The following MYO6 variants were observed in gnomAD, a reference collection of about 807,000 sequenced individuals.
MYO6 encodes unconventional myosin-VI.
MYO6 carries 74 observed loss-of-function variants against 178.7 expected under a neutral mutation model. The observed-to-expected ratio is 0.41, with a 90% CI of 0.34 to 0.50. The LOEUF is 0.50. MYO6 is among the 20% of genes least tolerant of loss of function. The pLI is 0.09. For synonymous variants in MYO6, 477 were observed against 504.6 expected (o/e 0.95, Z 0.73); for missense variants, 1,330 against 1,547.4 (o/e 0.86, Z 2.36).
chr6:75,903,293 G>A (rs146671749), intron 30 of MYO6, among the ~76,000 whole-genome samples: 3,023 of 152,122 alleles, frequency 0.02, 99 homozygotes, highest in African/African-American at 0.068. Flanking sequence ...TTGACTTTCC[G>A]TCTCGTTGAT....
intron 9 of MYO6, among the ~76,000 whole-genome samples, chr6:75,842,202 G>GCACACACACA (rs375234110): frequency 2.7e-5 from 4 of 148,892 alleles, no homozygotes; most frequent in Admixed American, 1.3e-4. Context: ...ACACACACAT[G>GCACACACACA]CACACACACA....
chr6:75,785,422 T>A (rs967003382), intron 1 of MYO6, among the ~76,000 whole-genome samples: 1 of 151,954 alleles, frequency 6.6e-6, no homozygotes, highest in African/African-American at 2.4e-5. Flanking sequence ...TGATTAATGT[T>A]GTTTTGGATC....
At chr6:75,750,175 A>G (rs1378537128) in intron 1 of MYO6, among the ~76,000 whole-genome samples, 1 of 141,748 alleles carries the variant, frequency 7.1e-6, no homozygotes, top group Non-Finnish European at 1.5e-5. Context: ...CTCTCACTGC[A>G]CCCTCCCCCT....
intron 25 of MYO6, among the ~76,000 whole-genome samples, chr6:75,889,442 C>T (rs1322258471): frequency 6.6e-6 from 1 of 152,198 alleles, no homozygotes; most frequent in East Asian, 1.9e-4. Flanking sequence ...GAGGCTTGCT[C>T]TGTTGCCCAG....
intron 1 of MYO6, among the ~76,000 whole-genome samples, chr6:75,784,291 C>A (rs756145983): frequency 6.6e-5 from 10 of 151,340 alleles, no homozygotes; most frequent in African/African-American, 2.4e-4. Flanking sequence ...ATATGAGTAG[C>A]CAGAGAGATC....
In MYO6 at chr6:75,879,809, C is replaced by G. The variant is rs768551729; in HGVS notation, c.2078-11C>G. The G allele has an allele frequency of 6.2e-7, 1 of 1,614,034 alleles. No individual in the cohort carries two copies. The highest frequency in any genetic ancestry group is 8.5e-7 in the Non-Finnish European group (1 of 1,179,986). ...TGATTGACAGTGCTTTGTGCTTGTTCGTGAATCTAGGGATGGTGTCTGTTT... is the reference window on the plus strand; with the variant it reads ...TGATTGACAGTGCTTTGTGCTTGTTGGTGAATCTAGGGATGGTGTCTGTTT... On this transcript the variant is annotated splice_polypyrimidine_tract_variant and intron_variant, in intron 20 of 34. Coordinates refer to ENST00000369977, the MANE Select transcript of MYO6 (RefSeq NM_004999.4).
At chr6:75,764,035 C>A (rs1000272584) in intron 1 of MYO6, among the ~76,000 whole-genome samples, 1 of 152,044 alleles carries the variant, frequency 6.6e-6, no homozygotes, top group Non-Finnish European at 1.5e-5. Context: ...TCTTTTCCAA[C>A]CTCTTCATCT....
chr6:75,749,904 G>A (rs968493976), intron 1 of MYO6, among the ~76,000 whole-genome samples: 3 of 152,134 alleles, frequency 2.0e-5, no homozygotes, highest in African/African-American at 7.2e-5. Flanking sequence ...AGGTGGTCCA[G>A]TACCTTGAGT....
intron 22 of MYO6, 130 bp downstream of exon 22, chr6:75,880,250 A>G (rs1777904651): frequency 1.4e-6 from 1 of 724,202 alleles, no homozygotes; most frequent in Non-Finnish European, 2.3e-6. Flanking sequence ...ATGAATTGCT[A>G]TTTTCCATAC....
At chr6:75,838,161 C>T (rs915539981) in intron 7 of MYO6, among the ~76,000 whole-genome samples, 2 of 151,338 alleles carry the variant, frequency 1.3e-5, no homozygotes, top group Non-Finnish European at 1.5e-5. Flanking sequence ...CAAGTGATAG[C>T]GCTGCTTCAT....
Position 75,915,070 on chromosome 6 carries a change from G to A in MYO6, c.*58G>A. 6.7e-7 allele frequency: 1 copy of A among 1,486,036 alleles called. No individual in the cohort carries two copies. The highest frequency in any genetic ancestry group is 1.2e-5 in the South Asian group (1 of 84,306). The allele number at this position is 1,486,036 out of a possible 1,614,324, so 92.1% of individuals were successfully genotyped here. On this transcript the variant is annotated 3_prime_UTR_variant, in exon 35 of 35. Transcript: ENST00000369977. ...TTGCCATGGTACTTAGGTAGGGTGT[G>A]TGCCCCCAGATTTAACCATTCCATA...
intron 11 of MYO6, among the ~76,000 whole-genome samples, chr6:75,850,587 GT>G (rs1775170827): frequency 6.6e-6 from 1 of 152,166 alleles, no homozygotes; most frequent in African/African-American, 2.4e-5. Flanking sequence ...CAGATCTAAT[GT>G]TCTGTAATGC....
intron 28 of MYO6, chr6:75,894,777 T>G: frequency 6.9e-7 from 1 of 1,459,252 alleles, no homozygotes; most frequent in Non-Finnish European, 9.3e-7. Flanking sequence ...TATAGATAGA[T>G]TCTGCTTCAA....
At chr6:75,767,119 A>G (rs982359204) in intron 1 of MYO6, among the ~76,000 whole-genome samples, 1 of 151,328 alleles carries the variant, frequency 6.6e-6, no homozygotes, top group Non-Finnish European at 1.5e-5. Flanking sequence ...TCTGCCTCCC[A>G]GGTTCAAGTG....
At chr6:75,758,064 G>GCCTC (rs1343487746) in intron 1 of MYO6, among the ~76,000 whole-genome samples, 2 of 131,370 alleles carry the variant, frequency 1.5e-5, no homozygotes, top group East Asian at 4.6e-4. Flanking sequence ...CACACCTTCT[G>GCCTC]CCTCCCAGGT....
intron 28 of MYO6, among the ~76,000 whole-genome samples, chr6:75,894,383 A>G (rs374515437): frequency 2.0e-5 from 3 of 152,330 alleles, no homozygotes; most frequent in South Asian, 2.1e-4. Context: ...CCTGAAAGGC[A>G]GAAGAGCTAG....
chr6:75,791,572 T>C (rs1768253827), intron 1 of MYO6, among the ~76,000 whole-genome samples: 1 of 152,170 alleles, frequency 6.6e-6, no homozygotes, highest in Non-Finnish European at 1.5e-5. Flanking sequence ...CTATATTCCT[T>C]TTGTCTTAAG....
chr6:75,863,863 C>T (rs1583303379), intron 16 of MYO6, among the ~76,000 whole-genome samples: 1 of 152,018 alleles, frequency 6.6e-6, no homozygotes, highest in East Asian at 1.9e-4. Context: ...TGAGGGTGGA[C>T]TGTGTGGCTA....
At chr6:75,904,169 T>C (rs1453830524) in intron 30 of MYO6, among the ~76,000 whole-genome samples, 7 of 150,244 alleles carry the variant, frequency 4.7e-5, no homozygotes, top group Non-Finnish European at 7.5e-5. Context: ...CATTTTTTCC[T>C]TCATTTCAAC....
Sources: gnomAD v4.1 joint callset for allele counts (sites outside exome capture counted in the v4.1 genomes callset) on GRCh38, gnomAD v4.1.1 for gene constraint, MANE v1.5 for transcripts, NCBI Gene and HGNC (gene_info 2026-07-23, HGNC 2026-07-21) for gene names.